Variants in RERE observed in about 807,000 individuals in gnomAD.
RERE encodes arginine-glutamic acid dipeptide repeats.
RERE carries 40 observed loss-of-function variants against 146.1 expected under a neutral mutation model. The observed-to-expected ratio is 0.27, with a 90% CI of 0.21 to 0.36. The LOEUF (loss-of-function observed/expected upper bound fraction) is 0.36, where lower values mean the gene tolerates loss of function less well. RERE is among the 10% of genes least tolerant of loss of function. The pLI is 1.00. For missense variants in RERE, 1,933 were observed against 2,138.7 expected (o/e 0.90, Z 1.90); for synonymous variants, 1,003 against 866.0 (o/e 1.16, Z -2.78).
At chr1:8,625,159 G>C (rs1646959807) in intron 2 of RERE, among the ~76,000 whole-genome samples, 1 of 152,026 alleles carries the variant, frequency 6.6e-6, no homozygotes, top group Admixed American at 6.6e-5. Context: ...GTTTTGTTTT[G>C]TTTTGGCTGG....
chr1:8,546,007 T>TTTTTTTTTTA (rs1645856785), intron 6 of RERE, among the ~76,000 whole-genome samples: 1 of 126,824 alleles, frequency 7.9e-6, no homozygotes, highest in Admixed American at 8.1e-5. Flanking sequence ...TTTTTTTTTT[T>TTTTTTTTTTA]GAGATAGGGT....
intron 4 of RERE, among the ~76,000 whole-genome samples, chr1:8,605,238 T>C (rs1011031410): frequency 5.3e-5 from 8 of 152,158 alleles, no homozygotes; most frequent in Non-Finnish European, 1.2e-4. Flanking sequence ...ATTCAAGCAA[T>C]TCTCCTGCTT....
intron 12 of RERE, among the ~76,000 whole-genome samples, chr1:8,413,580 G>A (rs1467510548): frequency 5.9e-5 from 9 of 152,074 alleles, no homozygotes. Context: ...CTGGGCTCAA[G>A]TGATCCTCCC....
intron 4 of RERE, among the ~76,000 whole-genome samples, chr1:8,602,836 A>T (rs1274445842): frequency 1.1e-5 from 1 of 94,080 alleles, no homozygotes; most frequent in East Asian, 2.4e-4. Flanking sequence ...TCATCTGATT[A>T]AAAAAAAAAT....
chr1:8,387,784 T>C (rs1466254714), intron 12 of RERE, among the ~76,000 whole-genome samples: 1 of 152,250 alleles, frequency 6.6e-6, no homozygotes, highest in African/African-American at 2.4e-5. Context: ...GGTCTGATTC[T>C]ATCAAGTGTT....
chr1:8,598,021 T>C (rs1646576423), intron 4 of RERE, among the ~76,000 whole-genome samples: 2 of 152,192 alleles, frequency 1.3e-5, no homozygotes, highest in African/African-American at 4.8e-5. Flanking sequence ...AAACATCTCT[T>C]TCCCGCCTCA....
chr1:8,413,721 C>A (rs893809004), intron 12 of RERE, among the ~76,000 whole-genome samples: 1 of 151,914 alleles, frequency 6.6e-6, no homozygotes, highest in Non-Finnish European at 1.5e-5. Flanking sequence ...AGCAACCAGC[C>A]TGGGGAGGAG....
At chr1:8,557,666 A>G (rs933779774) in intron 4 of RERE, 143 bp from the exon 5 acceptor site, 7 of 652,066 alleles carry the variant, frequency 1.1e-5, no homozygotes, top group African/African-American at 7.3e-5. Context: ...ACAACAATAC[A>G]TAAGTCAGTT....
rs1646539637 is a variant in RERE, at chr1:8,595,111, T to C, written c.522+19450A>G. Among the ~76,000 whole-genome samples the C allele has an allele frequency of 1.3e-5, 2 of 149,530 alleles. 1 individual carries two copies. Among genetic ancestry groups the C allele is most frequent in the South Asian group, 4.2e-4 (2 of 4,768 alleles). On this transcript the variant is annotated intron_variant, in intron 4 of 22. Transcript: ENST00000400908. ...AGGAGCTTAAGGCTGCAGTGCTCTA[T>C]GATCACACCACTCATTCCAGCCTAG...
intron 1 of RERE, among the ~76,000 whole-genome samples, chr1:8,663,782 C>T (rs1335745690): frequency 1.3e-5 from 2 of 152,222 alleles, no homozygotes; most frequent in East Asian, 3.9e-4. Context: ...CCAGCCTCAC[C>T]TCTCCCCTAC....
At chr1:8,777,309 A>G (rs998630308) in intron 1 of RERE, among the ~76,000 whole-genome samples, 1 of 151,930 alleles carries the variant, frequency 6.6e-6, no homozygotes, top group Admixed American at 6.6e-5. Flanking sequence ...GTGTCATCAA[A>G]TATTTTTCTT....
chr1:8,654,112 T>TGCAG (rs1191235953), intron 2 of RERE, among the ~76,000 whole-genome samples: 1 of 151,914 alleles, frequency 6.6e-6, no homozygotes, highest in Non-Finnish European at 1.5e-5. Context: ...TGAACGGGGC[T>TGCAG]TACTGCAGCC....
At chr1:8,755,809 A>G (rs1432544455) in intron 1 of RERE, among the ~76,000 whole-genome samples, 1 of 152,214 alleles carries the variant, frequency 6.6e-6, no homozygotes, top group Non-Finnish European at 1.5e-5. Flanking sequence ...TCACACCTAT[A>G]AATCCAGCAC....
chr1:8,795,565 T>A (rs1388090965), intron 1 of RERE, among the ~76,000 whole-genome samples: 5 of 152,182 alleles, frequency 3.3e-5, no homozygotes, highest in African/African-American at 1.2e-4. Context: ...TAATCATACT[T>A]CAAGCCCATA....
chr1:8,619,139 T>C (rs541447171), intron 3 of RERE, among the ~76,000 whole-genome samples: 2 of 152,314 alleles, frequency 1.3e-5, no homozygotes, highest in Admixed American at 6.5e-5. Flanking sequence ...AGGTAACTAG[T>C]AGTATGCATC....
chr1:8,667,812 ACTC>A (rs1173083120), intron 1 of RERE, among the ~76,000 whole-genome samples: 2 of 152,170 alleles, frequency 1.3e-5, no homozygotes, highest in African/African-American at 2.4e-5. Context: ...TGTCTCTTCT[ACTC>A]AGCAGGTTAA....
intron 12 of RERE, among the ~76,000 whole-genome samples, chr1:8,376,668 G>C (rs1642268975): frequency 6.6e-6 from 1 of 152,222 alleles, no homozygotes; most frequent in Non-Finnish European, 1.5e-5. Context: ...GTGCCAATAA[G>C]TGGCCTTCAC....
chr1:8,523,902 C>T (rs1259255001), intron 7 of RERE, among the ~76,000 whole-genome samples: 2 of 152,182 alleles, frequency 1.3e-5, no homozygotes, highest in African/African-American at 2.4e-5. Context: ...TATTTGTTAA[C>T]TGTAAAGAAA....
chr1:8,410,324 G>C (rs778979269), intron 12 of RERE, among the ~76,000 whole-genome samples: 5 of 152,148 alleles, frequency 3.3e-5, no homozygotes, highest in African/African-American at 1.2e-4. Context: ...CACCCAGAAC[G>C]GCTGTTGCAG....
Sources: gnomAD v4.1 joint callset for allele counts (sites outside exome capture counted in the v4.1 genomes callset) on GRCh38, gnomAD v4.1.1 for gene constraint, MANE v1.5 for transcripts, NCBI Gene and HGNC (gene_info 2026-07-23, HGNC 2026-07-21) for gene names.